KIAA1549: variants seen among roughly 807,000 people sequenced by gnomAD.
KIAA1549 encodes the protein UPF0606 protein KIAA1549.
A neutral mutation model predicts 156.4 loss-of-function variants in KIAA1549; 70 were observed. That is an observed-to-expected ratio of 0.45 (90% CI 0.37 to 0.55). The LOEUF (loss-of-function observed/expected upper bound fraction) is 0.55, where lower values mean the gene tolerates loss of function less well. Among genes scored for constraint, KIAA1549 ranks in the 20% least tolerant of loss-of-function variants. The probability of loss-of-function intolerance (pLI) is 0.00; values close to 1 mark genes in which losing one functional copy is unlikely to be tolerated. For missense variants in KIAA1549, 2,428 were observed against 2,540.9 expected, an observed-to-expected ratio of 0.96 and a Z score of 0.96; for synonymous variants, 1,103 against 1,066.4, an observed-to-expected ratio of 1.03 and a Z score of -0.67.
At chr7:138,979,570 T>G (rs1410501773) in intron 1 of KIAA1549, among the ~76,000 whole-genome samples, 3 of 152,202 alleles carry the variant, frequency 2.0e-5, no homozygotes, top group African/African-American at 4.8e-5. Context: ...ATGGAAACCA[T>G]TTATCTGCTG....
At chr7:138,875,330 A>T (rs2130393314) in intron 12 of KIAA1549, among the ~76,000 whole-genome samples, 1 of 152,326 alleles carries the variant, frequency 6.6e-6, no homozygotes, top group South Asian at 2.1e-4. Context: ...CATCAGTTAA[A>T]ATACAAATAA....
chr7:138,914,264 A>G (rs1356038100), intron 2 of KIAA1549, among the ~76,000 whole-genome samples: 1 of 152,220 alleles, frequency 6.6e-6, no homozygotes, highest in Non-Finnish European at 1.5e-5. Context: ...TAAAACTGCA[A>G]CATTAGGATA....
chr7:138,942,372 C>A lies in KIAA1549; in HGVS notation c.188-22934G>T, dbSNP rs768482214. ...TATCAACTTCAGGAGGTTTAAACAACATGTAAAAGAGCAATACGGTGAAAA... is the reference window on the plus strand; with the variant it reads ...TATCAACTTCAGGAGGTTTAAACAAAATGTAAAAGAGCAATACGGTGAAAA... On this transcript the variant is annotated intron_variant, in intron 1 of 19. Coordinates refer to ENST00000422774, the MANE Select transcript of KIAA1549 (RefSeq NM_001164665.2). Among the ~76,000 whole-genome samples the A allele has an allele frequency of 1.1e-4, 16 of 151,364 alleles. No individual in the cohort carries two copies. In the Admixed American group the frequency reaches 1.1e-3, roughly 10 times the overall value.
intron 1 of KIAA1549, among the ~76,000 whole-genome samples, chr7:138,937,829 T>C (rs1409361902): frequency 5.9e-5 from 9 of 152,012 alleles, no homozygotes; most frequent in Admixed American, 2.0e-4. Flanking sequence ...GGGCCAATGA[T>C]AGAGATTGGT....
intron 1 of KIAA1549, among the ~76,000 whole-genome samples, chr7:138,958,780 G>T (rs566209442): frequency 2.0e-5 from 3 of 152,258 alleles, no homozygotes; most frequent in Middle Eastern, 3.4e-3. Context: ...AATCCAAGAT[G>T]ATCCAAACAA....
chr7:138,873,679 T>G (rs1810998953), intron 12 of KIAA1549, among the ~76,000 whole-genome samples: 1 of 150,008 alleles, frequency 6.7e-6, no homozygotes, highest in Non-Finnish European at 1.5e-5. Flanking sequence ...AGCCTAAGAC[T>G]GGGCTCCTGT....
At chr7:138,899,313 G>A (rs1328126916) in intron 8 of KIAA1549, among the ~76,000 whole-genome samples, 181 bp from the exon 9 acceptor site, 1 of 152,158 alleles carries the variant, frequency 6.6e-6, no homozygotes, top group Non-Finnish European at 1.5e-5. Context: ...GAGGGACAGT[G>A]GGGAGTTCCT....
intron 17 of KIAA1549, among the ~76,000 whole-genome samples, chr7:138,851,140 T>C (rs1810220651): frequency 6.6e-6 from 1 of 152,226 alleles, no homozygotes; most frequent in South Asian, 2.1e-4. Flanking sequence ...ATCTTTGTCT[T>C]TTAATTGAAA....
In KIAA1549 at chr7:138,918,285, A is replaced by T; in HGVS notation, c.1341T>A (p.Gly447=). Residue 447 remains glycine (G), a synonymous_variant, in exon 2 of 20, where the codon GGT becomes GGA. Coordinates refer to ENST00000422774, the MANE Select transcript of KIAA1549 (RefSeq NM_001164665.2). The surrounding 1 kb of genome is among the most constrained non-coding windows in gnomAD (Gnocchi z 4.2). ...LMEKDVGSGD[G]AETLCMTVLE... ...GCACGGTCATGCACAGAGTCTCGGCACCATCCCCTGATCCCACGTCTTTCT... is the reference window on the plus strand; with the variant it reads ...GCACGGTCATGCACAGAGTCTCGGCTCCATCCCCTGATCCCACGTCTTTCT... 6.2e-7 allele frequency: 1 copy of T among 1,613,980 alleles called. No individual in the cohort carries two copies. The highest frequency in any genetic ancestry group is 1.3e-5 in the African/African-American group (1 of 75,030).
chr7:138,940,967 C>T (rs1317646974), intron 1 of KIAA1549, among the ~76,000 whole-genome samples: 3 of 151,980 alleles, frequency 2.0e-5, no homozygotes, highest in Non-Finnish European at 4.4e-5. Flanking sequence ...CTGTAGGTTG[C>T]CTGTTCACTC....
At chr7:138,964,438 G>A (rs1364945666) in intron 1 of KIAA1549, among the ~76,000 whole-genome samples, 1 of 152,198 alleles carries the variant, frequency 6.6e-6, no homozygotes, top group Non-Finnish European at 1.5e-5. Flanking sequence ...TCTGTAAAAT[G>A]GGGATCCTTA....
intron 15 of KIAA1549, among the ~76,000 whole-genome samples, chr7:138,867,706 C>T (rs144404807): frequency 8.5e-5 from 13 of 152,278 alleles, no homozygotes; most frequent in East Asian, 1.9e-4. Flanking sequence ...ACGGGGCTTA[C>T]GTATAGAGAG....
intron 5 of KIAA1549, among the ~76,000 whole-genome samples, 156 bp from the exon 6 acceptor site, chr7:138,907,258 TA>T (rs1812034130): frequency 6.6e-6 from 1 of 152,198 alleles, no homozygotes; most frequent in Admixed American, 6.5e-5. Context: ...TTCCCTTTTG[TA>T]AGAGTTTAAC....
At chr7:138,975,528 ATGAGATTAGCGCTAATCTCATTAACCC>A (rs1485982785) in intron 1 of KIAA1549, among the ~76,000 whole-genome samples, 1 of 152,132 alleles carries the variant, frequency 6.6e-6, no homozygotes, top group African/African-American at 2.4e-5. Flanking sequence ...TAGAGGGTTA[ATGAGATTAGCGCTAATCTCATTAACCC>A]TTTCTTACAC....
intron 1 of KIAA1549, among the ~76,000 whole-genome samples, chr7:138,948,196 C>A (rs2130535132): frequency 6.6e-6 from 1 of 152,276 alleles, no homozygotes; most frequent in Middle Eastern, 3.4e-3. Flanking sequence ...TTACTAGGGG[C>A]AATCAAGGTA....
In KIAA1549 at chr7:138,861,267, T is replaced by C. The variant is rs1275341667; in HGVS notation, c.5119A>G (p.Thr1707Ala). 3 of 1,608,788 alleles carry C rather than the reference T, an allele frequency of 1.9e-6. No individual in the cohort carries two copies. Among genetic ancestry groups the C allele is most frequent in the Admixed American group, 3.4e-5 (2 of 58,314 alleles). Reference protein sequence around the residue: ...LVAPSSQPASTAGVGPGVPPG... With the variant: ...LVAPSSQPASAAGVGPGVPPG... ...GGGACTCCGGGGCCTACACCTGCGG[T>C]GCTGGCAGGCTGGCTGCTGGGGGCC... is the stretch of plus-strand genomic sequence containing the variant. The change falls in exon 16 of 20, where the codon ACC becomes GCC. Residue 1707 changes from threonine to alanine, a missense_variant. Around this residue, in one of 5 missense-constraint regions of KIAA1549, gnomAD observed 363 missense variants for 354.0 expected, o/e 1.03. Coordinates refer to ENST00000422774, the MANE Select transcript of KIAA1549 (RefSeq NM_001164665.2).
rs1487381605 is a variant in KIAA1549 at position 138,834,920 on chromosome 7, T to C, written c.*2986A>G. On this transcript the variant is annotated 3_prime_UTR_variant, in exon 20 of 20. Transcript: ENST00000422774. Reference sequence around the variant, plus strand: ...GTTCTTGTTTGGCTTATGGGGAGAATGAAGTTCAGAGAAGGAACCAGACAT... The same window carrying C: ...GTTCTTGTTTGGCTTATGGGGAGAACGAAGTTCAGAGAAGGAACCAGACAT... 8.8e-6 allele frequency: 2 copies of C among 228,556 alleles called. No homozygotes were observed. Among genetic ancestry groups the C allele is most frequent in the Non-Finnish European group, 1.7e-5 (2 of 116,252 alleles). 14.2% of individuals were successfully genotyped at this position (228,556 alleles called of 1,614,324 possible). A position where few individuals can be genotyped will look rare whatever the true frequency, so the allele number is the denominator to read the frequency against.
At position 138,918,020 on chromosome 7, in the gene KIAA1549, G is replaced by T. The variant is rs1351413525; in HGVS notation, c.1606C>A (p.Pro536Thr). ...GRLSVPASLD[P>T]TAGSLSVAET... is the part of the protein sequence containing the mutation. Reference sequence around the variant, plus strand: ...GCAACAGACAAGGAGCCAGCAGTAGGATCAAGTGACGCCGGCACAGAGAGG... The same window carrying T: ...GCAACAGACAAGGAGCCAGCAGTAGTATCAAGTGACGCCGGCACAGAGAGG... The change falls in exon 2 of 20, where the codon CCT becomes ACT. Residue 536 changes from proline (P) to threonine (T), a missense_variant. By Grantham distance (38) the Pro-to-Thr change is conservative (BLOSUM62 -1). Around this residue, in one of 5 missense-constraint regions of KIAA1549, gnomAD observed 893 missense variants for 847.9 expected, o/e 1.05. Coordinates refer to ENST00000422774, the MANE Select transcript of KIAA1549 (RefSeq NM_001164665.2). This position sits in a 1 kb window ranked among gnomAD's most constrained non-coding sequence, Gnocchi z 4.2. 1.1e-5 allele frequency: 18 copies of T among 1,606,702 alleles called. No homozygotes were observed. The highest frequency in any genetic ancestry group is 1.7e-5 in the Admixed American group (1 of 58,488).
At chr7:138,911,583 T>A (rs1329878692) in intron 3 of KIAA1549, among the ~76,000 whole-genome samples, 1 of 152,232 alleles carries the variant, frequency 6.6e-6, no homozygotes, top group Non-Finnish European at 1.5e-5. Context: ...AAGCTGTTTG[T>A]TGTATTTAAA....
Sources: allele counts gnomAD v4.1 joint callset (sites outside exome capture counted in the v4.1 genomes callset), GRCh38; gene constraint gnomAD v4.1.1; regional missense constraint gnomAD v4.1.1; non-coding constraint Gnocchi (gnomAD v3.1); transcripts MANE v1.5; gene names NCBI Gene and HGNC (gene_info 2026-07-23, HGNC 2026-07-21).